The following MED6 variants were observed in gnomAD, a reference collection of about 807,000 sequenced individuals.
The protein encoded by MED6 is mediator of RNA polymerase II transcription subunit 6.
Under a neutral mutation model 37.5 loss-of-function variants are expected in MED6, and 33 were observed. The observed-to-expected ratio is 0.88, with a 90% CI of 0.67 to 1.18. The LOEUF (loss-of-function observed/expected upper bound fraction) is 1.18. Among genes scored for constraint, MED6 ranks in the 50% most tolerant of loss-of-function variants. MED6 has a pLI of 0.00. For synonymous variants in MED6, 94 were observed against 93.6 expected, an observed-to-expected ratio of 1.00 and a Z score of -0.02; for missense variants, 235 against 290.6, an observed-to-expected ratio of 0.81 and a Z score of 1.39.
At chr14:70,586,674 T>C (rs1380136314) in intron 6 of MED6, among the ~76,000 whole-genome samples, 1 of 152,236 alleles carries the variant, frequency 6.6e-6, no homozygotes, top group Non-Finnish European at 1.5e-5. Flanking sequence ...ATGCCCTCCC[T>C]AGGCCTTCTT....
chr14:70,600,641 T>C lies in MED6; in HGVS notation c.-4A>G. The C allele has an allele frequency of 6.2e-7, 1 of 1,613,044 alleles. No homozygotes were observed. Among genetic ancestry groups the C allele is most frequent in the South Asian group, 1.1e-5 (1 of 90,980 alleles). On this transcript the variant is annotated 5_prime_UTR_variant, in exon 1 of 8. Transcript: ENST00000256379. Reference sequence around the variant, plus strand: ...CTCGGATATCCACCGCCGCCATAATTCCGAGAGCGTTTACAGGTTCTCTTT... The same window carrying C: ...CTCGGATATCCACCGCCGCCATAATCCCGAGAGCGTTTACAGGTTCTCTTT...
chr14:70,595,587 C>A (rs1595053373), intron 3 of MED6: 1 of 726,434 alleles, frequency 1.4e-6, no homozygotes, highest in East Asian at 2.9e-5. Flanking sequence ...GGAGCTGGCA[C>A]AGGCCGGGGC....
At chr14:70,594,325 A>G (rs1198093067) in intron 3 of MED6, among the ~76,000 whole-genome samples, 1 of 152,172 alleles carries the variant, frequency 6.6e-6, no homozygotes, top group Non-Finnish European at 1.5e-5. Context: ...TACACTCTTC[A>G]GTGTTGTTTC....
intron 3 of MED6, chr14:70,594,932 A>G: frequency 1.6e-6 from 1 of 609,210 alleles, no homozygotes; most frequent in Non-Finnish European, 3.2e-6. Context: ...CAGGTCAGAG[A>G]TTGGGGCCAT....
intron 6 of MED6, among the ~76,000 whole-genome samples, chr14:70,588,753 TA>T (rs1046531749): frequency 1.3e-5 from 2 of 148,254 alleles, no homozygotes; most frequent in African/African-American, 4.9e-5. Flanking sequence ...TGGGAGGAAG[TA>T]GGGGAAGAAG....
At chr14:70,593,164 A>C (rs1884935829) in intron 4 of MED6, 132 bp downstream of exon 4, 3 of 1,201,770 alleles carry the variant, frequency 2.5e-6, no homozygotes, top group African/African-American at 3.1e-5. Context: ...CAGTAACCAA[A>C]GTTCAAGACA....
At chr14:70,595,045 AGAGTC>A (rs1885001080) in intron 3 of MED6, 2 of 560,438 alleles carry the variant, frequency 3.6e-6, no homozygotes, top group Non-Finnish European at 7.1e-6. Context: ...TGCTGCTGAT[AGAGTC>A]AAGTATGAGA....
chr14:70,595,852 T>G (rs1885029161), intron 3 of MED6: 2 of 655,038 alleles, frequency 3.1e-6, no homozygotes, highest in Admixed American at 4.3e-5. Flanking sequence ...GGGTACCCTT[T>G]GAGGAGCAGG....
rs1884643041 is a variant in MED6, at chr14:70,584,470, G to GGTTC, written c.*339_*342dup. ...AGCTCAGGGCAACCTCCACCTCCCG[G>GGTTC]GTTCAAGCAAGTCTCCTGTCTCAGC... is the stretch of plus-strand genomic sequence containing the variant. On this transcript the variant is annotated 3_prime_UTR_variant, in exon 8 of 8. Transcript: ENST00000256379. 1 of 311,304 alleles carries GGTTC rather than the reference G, an allele frequency of 3.2e-6. No homozygotes were observed. Among genetic ancestry groups the GGTTC allele is most frequent in the Admixed American group, 4.6e-5 (1 of 21,740 alleles). The allele number at this position is 311,304 out of a possible 1,614,324, so 19.3% of individuals were successfully genotyped here. A position where few individuals can be genotyped will look rare whatever the true frequency, so the allele number is the denominator to read the frequency against.
intron 1 of MED6, 107 bp downstream of exon 1, chr14:70,600,509 A>G (rs913809784): frequency 6.2e-6 from 8 of 1,295,254 alleles, no homozygotes; most frequent in Non-Finnish European, 6.6e-6. Context: ...CCACTCAAAA[A>G]AGCTTGAGAC....
chr14:70,596,510 C>T, intron 3 of MED6, 101 bp downstream of exon 3: 4 of 813,248 alleles, frequency 4.9e-6, no homozygotes, highest in African/African-American at 3.4e-5. Context: ...GTCTTGGAGA[C>T]CCCCCAAACA....
chr14:70,591,075 T>C (rs1884854700), intron 6 of MED6, among the ~76,000 whole-genome samples, 191 bp downstream of exon 6: 1 of 152,228 alleles, frequency 6.6e-6, no homozygotes, highest in African/African-American at 2.4e-5. Context: ...CAAAACAGTG[T>C]TAATTCCATT....
intron 6 of MED6, among the ~76,000 whole-genome samples, chr14:70,588,275 G>A (rs17108246): frequency 0.11 from 16,516 of 152,180 alleles, 1,345 homozygotes; most frequent in East Asian, 0.49. Flanking sequence ...TTGGCCCTTG[G>A]ATGGTAAAAG....
In MED6 at chr14:70,584,549, T is replaced by G. The variant is rs1884645649; in HGVS notation, c.*264A>C. On this transcript the variant is annotated 3_prime_UTR_variant, in exon 8 of 8. Transcript: ENST00000256379. ...CGCCACCACGCCCGGCTAATTTTTG[T>G]ATTTTTAGTAGAGACGGGGTTTCAC... The G allele has an allele frequency of 3.0e-6, 1 of 332,108 alleles. No homozygotes were observed. Among genetic ancestry groups the G allele is most frequent in the Non-Finnish European group, 5.4e-6 (1 of 184,690 alleles). 20.6% of individuals were successfully genotyped at this position (332,108 alleles called of 1,614,324 possible). A position where few individuals can be genotyped will look rare whatever the true frequency, so the allele number is the denominator to read the frequency against.
chr14:70,591,506 A>G, intron 5 of MED6, 125 bp from the exon 6 acceptor site: 2 of 702,764 alleles, frequency 2.8e-6, no homozygotes, highest in East Asian at 2.8e-5. Context: ...TATACCAAAG[A>G]TAATTCCCAA....
Position 70,600,607 on chromosome 14 carries a change from A to C in MED6, c.22+9T>G, listed in dbSNP as rs1284200969. On this transcript the variant is annotated intron_variant, in intron 1 of 7. Coordinates refer to ENST00000256379, the MANE Select transcript of MED6 (RefSeq NM_005466.4). ...CAATCAAGAGACAAAATATAGCAAT[A>C]CAGTATACCTCGGATATCCACCGCC... 6.2e-7 allele frequency: 1 copy of C among 1,613,330 alleles called. No homozygotes were observed. The highest frequency in any genetic ancestry group is 1.7e-5 in the Admixed American group (1 of 59,904).
intron 6 of MED6, among the ~76,000 whole-genome samples, chr14:70,589,659 G>A (rs1884814254): frequency 6.6e-6 from 1 of 152,170 alleles, no homozygotes; most frequent in Admixed American, 6.5e-5. Flanking sequence ...GAGTGGTAAT[G>A]GGTTGTAAGT....
intron 1 of MED6, among the ~76,000 whole-genome samples, chr14:70,598,703 G>C (rs1885117799): frequency 6.6e-6 from 1 of 151,502 alleles, no homozygotes; most frequent in African/African-American, 2.4e-5. Context: ...ATTAGGTGAA[G>C]AAGTGATAAG....
rs1884653005 is a variant in MED6 at position 70,584,768 on chromosome 14, A to G, written c.*45T>C. 2.5e-6 allele frequency: 4 copies of G among 1,597,180 alleles called. No homozygotes were observed. The highest frequency in any genetic ancestry group is 3.4e-6 in the Non-Finnish European group (4 of 1,174,288). ...TCAAGAGCCACAGTACTGAGGTATG[A>G]TAACTAGCATGAGGAGTCTTCCAGG... is the stretch of plus-strand genomic sequence containing the variant. On this transcript the variant is annotated 3_prime_UTR_variant, in exon 8 of 8. Transcript: ENST00000256379.
Sources: allele counts gnomAD v4.1 joint callset (sites outside exome capture counted in the v4.1 genomes callset), GRCh38; gene constraint gnomAD v4.1.1; transcripts MANE v1.5; gene names NCBI Gene and HGNC (gene_info 2026-07-23, HGNC 2026-07-21).